ASB3: variants seen among roughly 807,000 people sequenced by gnomAD.
ASB3 encodes ankyrin repeat and SOCS box containing 3.
Under a neutral mutation model 54.5 loss-of-function variants are expected in ASB3, and 41 were observed. That is an observed-to-expected ratio of 0.75 (90% CI 0.59 to 0.98). ASB3 has a LOEUF of 0.98. Ranked by LOEUF, ASB3 falls within the 50% of genes least tolerant of loss-of-function variation. The pLI is 0.00. For missense variants in ASB3, 733 were observed against 620.0 expected (o/e 1.18, Z -1.94); for synonymous variants, 266 against 221.2 (o/e 1.20, Z -1.80).
intron 1 of ASB3, chr2:53,768,047 C>G: frequency 6.2e-7 from 1 of 1,610,354 alleles, no homozygotes; most frequent in Non-Finnish European, 8.5e-7. Flanking sequence ...GCTCCCCACA[C>G]TTACTGCCCC....
chr2:53,693,808 C>T (rs559530738), intron 9 of ASB3, 76 bp downstream of exon 9: 179 of 1,541,292 alleles, frequency 1.2e-4, no homozygotes, highest in Non-Finnish European at 1.5e-4. Context: ...AATCTTATCA[C>T]TTAAAATTAC....
Position 53,772,466 on chromosome 2 carries a change from G to A in ASB3, c.-13-6881C>T, listed in dbSNP as rs577267929. On this transcript the variant is annotated intron_variant, in intron 1 of 9. Transcript: ENST00000263634. ...TGGGATTACAGGCATGAGCCACCGC[G>A]CCCAGCCGTGGGATTTTTTTAAAAA... Among the ~76,000 whole-genome samples, 10 of 151,968 alleles carry A rather than the reference G, an allele frequency of 6.6e-5. No individual in the cohort carries two copies. The East Asian group carries it at 1.2e-3, about 18-fold the overall frequency.
At chr2:53,773,240 A>G (rs935855557) in intron 1 of ASB3, among the ~76,000 whole-genome samples, 1 of 152,170 alleles carries the variant, frequency 6.6e-6, no homozygotes, top group African/African-American at 2.4e-5. Context: ...TGAAAGGCTC[A>G]TATTTTTCAT....
Position 53,770,416 on chromosome 2 carries a change from G to C in ASB3, c.-13-4831C>G, listed in dbSNP as rs1233495517. 9.3e-5 allele frequency among the ~76,000 whole-genome samples: 14 copies of C among 150,788 alleles called. No homozygotes were observed. The Admixed American group carries it at 9.3e-4, about 10-fold the overall frequency. On this transcript the variant is annotated intron_variant, in intron 1 of 9. Transcript: ENST00000263634. ...GGGCATACAAGTAGGTAAAATTGTGGCTTATGACTCAGCATTCCCATGAAT... is the reference window on the plus strand; with the variant it reads ...GGGCATACAAGTAGGTAAAATTGTGCCTTATGACTCAGCATTCCCATGAAT...
intron 9 of ASB3, 131 bp downstream of exon 9, chr2:53,693,751 CCT>C (rs1669039142): frequency 7.9e-7 from 1 of 1,273,854 alleles, no homozygotes; most frequent in African/African-American, 1.5e-5. Context: ...CCCATCTTTT[CCT>C]CACATAAGAA....
intron 3 of ASB3, among the ~76,000 whole-genome samples, chr2:53,742,217 T>G (rs1422015793): frequency 6.6e-6 from 1 of 152,120 alleles, no homozygotes; most frequent in Non-Finnish European, 1.5e-5. Context: ...TGAAAGATAC[T>G]AGCTAAATGA....
At chr2:53,721,639 A>C (rs968399156) in intron 5 of ASB3, among the ~76,000 whole-genome samples, 7 of 152,146 alleles carry the variant, frequency 4.6e-5, no homozygotes, top group Non-Finnish European at 8.8e-5. Flanking sequence ...ATTATGGCAG[A>C]AATCAAAAAA....
chr2:53,766,991 T>C (rs1558569852), intron 1 of ASB3, among the ~76,000 whole-genome samples: 1 of 152,198 alleles, frequency 6.6e-6, no homozygotes, highest in African/African-American at 2.4e-5. Context: ...CTAAACAATA[T>C]TTTGCAGCAA....
At chr2:53,671,173 T>C (rs902894736) in intron 9 of ASB3, among the ~76,000 whole-genome samples, 4 of 152,246 alleles carry the variant, frequency 2.6e-5, no homozygotes, top group African/African-American at 9.6e-5. Flanking sequence ...GAGTATTTAC[T>C]GAGTGCCTTC....
intron 1 of ASB3, chr2:53,767,838 C>G (rs773494026): frequency 6.4e-7 from 1 of 1,560,534 alleles, no homozygotes; most frequent in Non-Finnish European, 8.7e-7. Flanking sequence ...CCCGGCGGCG[C>G]GGCGACAGCT....
At chr2:53,701,104 G>C (rs530162588) in intron 7 of ASB3, among the ~76,000 whole-genome samples, 36 of 152,224 alleles carry the variant, frequency 2.4e-4, no homozygotes, top group African/African-American at 8.4e-4. Context: ...CTCCTGAGTA[G>C]GTGGGACTAC....
At chr2:53,691,856 A>G (rs1392189255) in intron 9 of ASB3, among the ~76,000 whole-genome samples, 1 of 152,140 alleles carries the variant, frequency 6.6e-6, no homozygotes, top group African/African-American at 2.4e-5. Flanking sequence ...ACCAAAGAAT[A>G]CCCTGAGAGA....
intron 2 of ASB3, among the ~76,000 whole-genome samples, chr2:53,753,640 CTCTT>C (rs199896893): frequency 2.3e-3 from 338 of 149,304 alleles, no homozygotes; most frequent in African/African-American, 7.2e-3. Context: ...TTGGTTTTCT[CTCTT>C]TCTTTCTGTT....
chr2:53,761,346 C>T (rs372411005), intron 2 of ASB3, among the ~76,000 whole-genome samples: 4 of 152,206 alleles, frequency 2.6e-5, no homozygotes, highest in Middle Eastern at 3.4e-3. Context: ...CTCAGGCATT[C>T]GAGCAGGGAG....
At chr2:53,784,816 C>T (rs1201350594) in intron 1 of ASB3, among the ~76,000 whole-genome samples, 1 of 152,188 alleles carries the variant, frequency 6.6e-6, no homozygotes, top group East Asian at 1.9e-4. Flanking sequence ...GTAGTTCACA[C>T]TCACAGGTTC....
chr2:53,701,290 A>T (rs974205549), intron 7 of ASB3, among the ~76,000 whole-genome samples: 5 of 152,200 alleles, frequency 3.3e-5, no homozygotes, highest in Admixed American at 1.3e-4. Flanking sequence ...AAAAAAATTT[A>T]AAAACTTTTT....
intron 1 of ASB3, chr2:53,768,292 G>C (rs1268105505): frequency 4.9e-6 from 2 of 404,610 alleles, no homozygotes; most frequent in East Asian, 8.1e-5. Flanking sequence ...CTCGCACCAG[G>C]CTGAGTGCGG....
chr2:53,714,148 T>G (rs1670259782), intron 7 of ASB3, among the ~76,000 whole-genome samples: 1 of 152,110 alleles, frequency 6.6e-6, no homozygotes, highest in Admixed American at 6.5e-5. Context: ...TCCCTAAGAT[T>G]GCTACACTAA....
At chr2:53,724,292 C>G (rs1447504352) in intron 5 of ASB3, among the ~76,000 whole-genome samples, 1 of 152,090 alleles carries the variant, frequency 6.6e-6, no homozygotes, top group African/African-American at 2.4e-5. Flanking sequence ...AAGCAAAAAA[C>G]AACCCCATTA....
Sources: gnomAD v4.1 joint callset for allele counts (sites outside exome capture counted in the v4.1 genomes callset) on GRCh38, gnomAD v4.1.1 for gene constraint, MANE v1.5 for transcripts, NCBI Gene and HGNC (gene_info 2026-07-23, HGNC 2026-07-21) for gene names.